The following ADGRL2 variants were observed in gnomAD, a reference collection of about 807,000 sequenced individuals.
ADGRL2 encodes the protein adhesion G protein-coupled receptor L2.
Under a neutral mutation model 157.4 loss-of-function variants are expected in ADGRL2, and 44 were observed. That is an observed-to-expected ratio of 0.28 (90% CI 0.22 to 0.36). The LOEUF (loss-of-function observed/expected upper bound fraction) is 0.36. Ranked by LOEUF, ADGRL2 falls within the 10% of genes least tolerant of loss-of-function variation. The pLI, the probability that ADGRL2 is intolerant of heterozygous loss-of-function variation, is 1.00. For synonymous variants in ADGRL2, 585 were observed against 624.7 expected, an observed-to-expected ratio of 0.94 and a Z score of 0.95; for missense variants, 1,510 against 1,768.9, an observed-to-expected ratio of 0.85 and a Z score of 2.63.
At chr1:81,617,175 G>A (rs577560483) in intron 3 of ADGRL2, among the ~76,000 whole-genome samples, 1 of 152,344 alleles carries the variant, frequency 6.6e-6, no homozygotes, top group South Asian at 2.1e-4. Context: ...ATTGCTGCCT[G>A]AGCTCCACCT....
At chr1:81,512,978 G>T (rs186765939) in intron 2 of ADGRL2, among the ~76,000 whole-genome samples, 251 of 151,756 alleles carry the variant, frequency 1.7e-3, no homozygotes, top group Middle Eastern at 3.4e-3. Context: ...GCCAATGTTT[G>T]GTATCTGATA....
At chr1:81,488,126 T>C (rs960085897) in intron 2 of ADGRL2, among the ~76,000 whole-genome samples, 1 of 152,138 alleles carries the variant, frequency 6.6e-6, no homozygotes, top group East Asian at 1.9e-4. Context: ...CCCTTTATTT[T>C]TATTTTTTCC....
chr1:81,932,955 G>A (rs1450183358), intron 3 of ADGRL2, among the ~76,000 whole-genome samples: 1 of 152,114 alleles, frequency 6.6e-6, no homozygotes, highest in Non-Finnish European at 1.5e-5. Context: ...ACCCACCTCG[G>A]CCTCCCAAAG....
chr1:81,496,798 G>C (rs746118521), intron 2 of ADGRL2, among the ~76,000 whole-genome samples: 1 of 152,122 alleles, frequency 6.6e-6, no homozygotes, highest in African/African-American at 2.4e-5. Flanking sequence ...AACAGACTTA[G>C]CAACAAGTGT....
intron 2 of ADGRL2, among the ~76,000 whole-genome samples, chr1:81,569,404 A>C (rs1452788240): frequency 6.6e-6 from 1 of 152,224 alleles, no homozygotes; most frequent in Non-Finnish European, 1.5e-5. Flanking sequence ...TCTAAAAAGT[A>C]ATGGCTTAAA....
Position 81,851,957 on chromosome 1 carries a change from T to C in ADGRL2, c.73+14900T>C, listed in dbSNP as rs148039380. Among the ~76,000 whole-genome samples the C allele has an allele frequency of 5.9e-4, 89 of 152,096 alleles. 1 individual carries two copies. Among genetic ancestry groups the C allele is most frequent in the Middle Eastern group, 6.8e-3 (2 of 294 alleles). On this transcript the variant is annotated intron_variant, in intron 2 of 23. Transcript: ENST00000686636. ...TATATTAATTTTGAAGAGGAAAGCA[T>C]CTGACTTAGAATGGCGAATTAAAAA...
intron 3 of ADGRL2, among the ~76,000 whole-genome samples, chr1:81,922,096 G>C (rs1332192614): frequency 6.6e-6 from 1 of 152,280 alleles, no homozygotes; most frequent in Non-Finnish European, 1.5e-5. Context: ...AAGAAGAGGA[G>C]ATAATGTACA....
chr1:81,361,064 A>T (rs2075969992), intron 1 of ADGRL2, among the ~76,000 whole-genome samples: 1 of 152,032 alleles, frequency 6.6e-6, no homozygotes, highest in South Asian at 2.1e-4. Context: ...TGTTAGTTGC[A>T]TTATCTTCTT....
At chr1:81,629,052 T>G (rs2081962751) in intron 3 of ADGRL2, among the ~76,000 whole-genome samples, 2 of 152,188 alleles carry the variant, frequency 1.3e-5, no homozygotes, top group Admixed American at 1.3e-4. Flanking sequence ...GTAGAGTATC[T>G]GCCAATAGAA....
intron 1 of ADGRL2, among the ~76,000 whole-genome samples, chr1:81,745,578 T>G (rs1436086984): frequency 6.6e-6 from 1 of 152,198 alleles, no homozygotes; most frequent in African/African-American, 2.4e-5. Flanking sequence ...CACTCAGTGT[T>G]ATTCATGTAA....
At chr1:81,484,136 T>G (rs1215617356) in intron 2 of ADGRL2, among the ~76,000 whole-genome samples, 1 of 152,168 alleles carries the variant, frequency 6.6e-6, no homozygotes, top group Non-Finnish European at 1.5e-5. Context: ...CCTTTTGGTC[T>G]TGCTTTTATA....
chr1:81,812,653 C>T (rs548831362), intron 1 of ADGRL2, among the ~76,000 whole-genome samples: 1 of 151,812 alleles, frequency 6.6e-6, no homozygotes, highest in East Asian at 1.9e-4. Flanking sequence ...AGATATGTAA[C>T]ATATTATTAA....
At chr1:81,535,979 TAA>T (rs2079727686) in intron 2 of ADGRL2, among the ~76,000 whole-genome samples, 1 of 152,178 alleles carries the variant, frequency 6.6e-6, no homozygotes, top group African/African-American at 2.4e-5. Flanking sequence ...ACAAACAGTG[TAA>T]ATAAAGTCAT....
chr1:81,415,809 T>G (rs1339341206), intron 1 of ADGRL2, among the ~76,000 whole-genome samples: 1 of 151,754 alleles, frequency 6.6e-6, no homozygotes, highest in Non-Finnish European at 1.5e-5. Context: ...GATGAATACA[T>G]GAATAAACAT....
At chr1:81,400,898 A>G (rs1378512098) in intron 1 of ADGRL2, among the ~76,000 whole-genome samples, 2 of 152,138 alleles carry the variant, frequency 1.3e-5, no homozygotes, top group African/African-American at 4.8e-5. Context: ...TCTGTTTCCC[A>G]GGGATGTGAG....
intron 1 of ADGRL2, among the ~76,000 whole-genome samples, chr1:81,706,125 G>C (rs2083727197): frequency 6.6e-6 from 1 of 152,018 alleles, no homozygotes; most frequent in Non-Finnish European, 1.5e-5. Context: ...CTTGAACCAG[G>C]GAGGTAGAGA....
chr1:81,466,353 G>A (rs546137531), intron 2 of ADGRL2, among the ~76,000 whole-genome samples: 35 of 152,176 alleles, frequency 2.3e-4, no homozygotes, highest in African/African-American at 8.4e-4. Context: ...AAATAAATTC[G>A]GTTTCGTGCA....
chr1:81,560,722 A>G (rs1245648487), intron 2 of ADGRL2, among the ~76,000 whole-genome samples: 1 of 152,102 alleles, frequency 6.6e-6, no homozygotes, highest in South Asian at 2.1e-4. Context: ...GAAATGGAGG[A>G]GGAGGGGGAG....
chr1:81,805,597 T>C (rs2088995904), intron 1 of ADGRL2, among the ~76,000 whole-genome samples: 1 of 151,966 alleles, frequency 6.6e-6, no homozygotes, highest in Non-Finnish European at 1.5e-5. Flanking sequence ...ATGATCCTTT[T>C]TTTTTGGATT....
Sources: gnomAD v4.1 joint callset for allele counts (sites outside exome capture counted in the v4.1 genomes callset) on GRCh38, gnomAD v4.1.1 for gene constraint, MANE v1.5 for transcripts, NCBI Gene and HGNC (gene_info 2026-07-23, HGNC 2026-07-21) for gene names.